CNBD1: variants seen among roughly 807,000 people sequenced by gnomAD.
CNBD1 encodes cyclic nucleotide-binding domain-containing protein 1.
Under a neutral mutation model 54.4 loss-of-function variants are expected in CNBD1, and 71 were observed. That is an observed-to-expected ratio of 1.30 (90% CI 1.08 to 1.59). The LOEUF (loss-of-function observed/expected upper bound fraction) is 1.59, where lower values mean the gene tolerates loss of function less well. Ranked by LOEUF, CNBD1 falls within the 40% of genes most tolerant of loss-of-function variation. The probability of loss-of-function intolerance (pLI) is 0.00; values close to 1 mark genes in which losing one functional copy is unlikely to be tolerated. For missense variants in CNBD1, 659 were observed against 518.0 expected, an observed-to-expected ratio of 1.27 and a Z score of -2.64; for synonymous variants, 182 against 170.7, an observed-to-expected ratio of 1.07 and a Z score of -0.51.
chr8:87,188,325 A>G (rs879628266), intron 4 of CNBD1, among the ~76,000 whole-genome samples: 2 of 152,160 alleles, frequency 1.3e-5, no homozygotes, highest in Non-Finnish European at 2.9e-5. Flanking sequence ...TTCCCTTTTG[A>G]ATTTTAAATT....
chr8:86,943,214 C>T (rs1017641263), intron 4 of CNBD1, among the ~76,000 whole-genome samples: 1 of 151,742 alleles, frequency 6.6e-6, no homozygotes, highest in Non-Finnish European at 1.5e-5. Context: ...AACTCCATCT[C>T]TATTAAAAAT....
At chr8:87,012,534 C>T (rs1809246260) in intron 4 of CNBD1, among the ~76,000 whole-genome samples, 2 of 152,100 alleles carry the variant, frequency 1.3e-5, no homozygotes, top group African/African-American at 4.8e-5. Context: ...ATAGAGAAAC[C>T]CCTACCCCTT....
At chr8:87,250,770 A>C (rs1232352410) in intron 6 of CNBD1, among the ~76,000 whole-genome samples, 1 of 152,190 alleles carries the variant, frequency 6.6e-6, no homozygotes, top group Non-Finnish European at 1.5e-5. Flanking sequence ...AGCTTAAGAA[A>C]AAAAACTGAA....
chr8:87,063,329 G>A (rs928452436), intron 4 of CNBD1, among the ~76,000 whole-genome samples: 32 of 152,108 alleles, frequency 2.1e-4, no homozygotes, highest in Non-Finnish European at 4.3e-4. Context: ...GAACAATATG[G>A]TCCATATAGA....
At chr8:87,006,604 AAG>A (rs1809102914) in intron 4 of CNBD1, among the ~76,000 whole-genome samples, 2 of 152,184 alleles carry the variant, frequency 1.3e-5, no homozygotes, top group African/African-American at 4.8e-5. Flanking sequence ...AGTAGGGGGT[AAG>A]AGAGGTAGGT....
At chr8:86,874,386 TTA>T (rs1336648094) in intron 1 of CNBD1, among the ~76,000 whole-genome samples, 4 of 152,224 alleles carry the variant, frequency 2.6e-5, no homozygotes, top group Admixed American at 2.0e-4. Flanking sequence ...ATCACAGGAG[TTA>T]TTTCATGTTC....
chr8:87,034,189 A>G (rs1449781098), intron 4 of CNBD1, among the ~76,000 whole-genome samples: 1 of 152,230 alleles, frequency 6.6e-6, no homozygotes, highest in Non-Finnish European at 1.5e-5. Context: ...TTATGATTAC[A>G]TATTGAGCAA....
chr8:86,870,183 A>C (rs1808421282), intron 1 of CNBD1, among the ~76,000 whole-genome samples: 1 of 64,586 alleles, frequency 1.5e-5, no homozygotes, highest in Non-Finnish European at 2.9e-5. Flanking sequence ...GAAACAAGAT[A>C]GTACTCTTTT....
intron 3 of CNBD1, among the ~76,000 whole-genome samples, chr8:86,911,041 C>G (rs958280494): frequency 2.6e-5 from 4 of 152,174 alleles, no homozygotes; most frequent in Non-Finnish European, 4.4e-5. Flanking sequence ...TCACCCTAAT[C>G]TTTTATTATG....
chr8:87,368,366 C>A (rs1158093172), intron 10 of CNBD1, among the ~76,000 whole-genome samples: 1 of 151,900 alleles, frequency 6.6e-6, no homozygotes, highest in Non-Finnish European at 1.5e-5. Flanking sequence ...TTGGGCATGG[C>A]AGCTCATACC....
At chr8:87,280,925 C>T (rs979669810) in intron 6 of CNBD1, among the ~76,000 whole-genome samples, 1 of 151,534 alleles carries the variant, frequency 6.6e-6, no homozygotes, top group Non-Finnish European at 1.5e-5. Context: ...ACTCTACCAA[C>T]TATCCCCACC....
intron 6 of CNBD1, among the ~76,000 whole-genome samples, chr8:87,268,595 G>A (rs1808307123): frequency 6.6e-6 from 1 of 152,096 alleles, no homozygotes; most frequent in Non-Finnish European, 1.5e-5. Context: ...ACCAACATCT[G>A]TTGTTTTATG....
intron 4 of CNBD1, among the ~76,000 whole-genome samples, chr8:86,973,637 G>T (rs943607170): frequency 6.6e-6 from 1 of 152,182 alleles, no homozygotes; most frequent in Non-Finnish European, 1.5e-5. Flanking sequence ...TGTGTTTAGT[G>T]TGAAAGTAGG....
At chr8:87,338,933 G>C (rs2130917145) in intron 8 of CNBD1, among the ~76,000 whole-genome samples, 1 of 152,218 alleles carries the variant, frequency 6.6e-6, no homozygotes, top group South Asian at 2.1e-4. Context: ...CAGTGTTTTA[G>C]TAAGCCCATG....
intron 4 of CNBD1, among the ~76,000 whole-genome samples, chr8:87,008,861 C>CA (rs1183608370): frequency 1.3e-5 from 2 of 152,014 alleles, no homozygotes; most frequent in African/African-American, 2.4e-5. Context: ...TGCTTGGGTA[C>CA]AAAAAAGGAG....
intron 1 of CNBD1, among the ~76,000 whole-genome samples, chr8:86,867,868 G>A (rs1808386763): frequency 6.6e-6 from 1 of 152,186 alleles, no homozygotes; most frequent in South Asian, 2.1e-4. Flanking sequence ...TAACTTCTGT[G>A]AAGTGATTAA....
chr8:87,290,691 A>C (rs1186785286), intron 8 of CNBD1, among the ~76,000 whole-genome samples: 1 of 152,050 alleles, frequency 6.6e-6, no homozygotes, highest in East Asian at 1.9e-4. Context: ...TTGTACTGAG[A>C]ATTTCTTCAT....
At chr8:86,997,629 T>C (rs1808903667) in intron 4 of CNBD1, among the ~76,000 whole-genome samples, 1 of 152,110 alleles carries the variant, frequency 6.6e-6, no homozygotes, top group Non-Finnish European at 1.5e-5. Flanking sequence ...TGATTACCTT[T>C]CCCATGGCCC....
chr8:87,243,985 A>T (rs1807752873), intron 6 of CNBD1, among the ~76,000 whole-genome samples: 1 of 152,114 alleles, frequency 6.6e-6, no homozygotes, highest in African/African-American at 2.4e-5. Context: ...GAGCCCTGAA[A>T]ATTTGAGACA....
Sources: gnomAD v4.1 joint callset for allele counts (sites outside exome capture counted in the v4.1 genomes callset) on GRCh38, gnomAD v4.1.1 for gene constraint, MANE v1.5 for transcripts, NCBI Gene and HGNC (gene_info 2026-07-23, HGNC 2026-07-21) for gene names.